Variants in CFAP61 observed in about 807,000 individuals in gnomAD.
CFAP61 encodes the protein cilia and flagella associated protein 61.
Under a neutral mutation model 135.6 loss-of-function variants are expected in CFAP61, and 107 were observed. The ratio of observed to expected loss-of-function variants is 0.79; its 90% CI spans 0.67 to 0.93. CFAP61 has a LOEUF of 0.93. Ranked by LOEUF, CFAP61 falls within the 40% of genes least tolerant of loss-of-function variation. The probability of loss-of-function intolerance (pLI) is 0.00; values close to 1 mark genes in which losing one functional copy is unlikely to be tolerated. For missense variants in CFAP61, 1,507 were observed against 1,556.2 expected (o/e 0.97, Z 0.53); for synonymous variants, 575 against 578.5 (o/e 0.99, Z 0.09).
chr20:20,056,070 G>A, intron 1 of CFAP61: 2 of 1,317,568 alleles, frequency 1.5e-6, no homozygotes, highest in Non-Finnish European at 2.1e-6. Flanking sequence ...AAGAAAACAA[G>A]TTGCTTTATT....
At chr20:20,136,400 C>G (rs544854547) in intron 8 of CFAP61, among the ~76,000 whole-genome samples, 124 of 152,106 alleles carry the variant, frequency 8.2e-4, no homozygotes, top group African/African-American at 3.0e-3. Flanking sequence ...TTTTCTAGAC[C>G]CTGTAAGCAT....
At chr20:20,135,484 G>A (rs1158249561) in intron 8 of CFAP61, among the ~76,000 whole-genome samples, 1 of 152,176 alleles carries the variant, frequency 6.6e-6, no homozygotes, top group Non-Finnish European at 1.5e-5. Flanking sequence ...AGAATTGTCT[G>A]TGCTCAATGT....
intron 25 of CFAP61, among the ~76,000 whole-genome samples, chr20:20,323,823 C>T (rs914400995): frequency 2.6e-5 from 4 of 152,244 alleles, no homozygotes; most frequent in African/African-American, 4.8e-5. Context: ...TCATATTTTT[C>T]TCTAAATATA....
intron 25 of CFAP61, among the ~76,000 whole-genome samples, chr20:20,330,189 A>G (rs562842639): frequency 3.5e-4 from 53 of 152,354 alleles, no homozygotes; most frequent in Middle Eastern, 3.4e-3. Context: ...TATTATATTT[A>G]ACCCAAGATA....
intron 17 of CFAP61, chr20:20,220,153 T>C (rs2048305990): frequency 6.6e-6 from 1 of 152,120 alleles, no homozygotes; most frequent in Non-Finnish European, 1.5e-5. Flanking sequence ...GAGCCAGAAG[T>C]TGAGTTCAAC....
At chr20:20,166,617 C>T (rs965018864) in intron 12 of CFAP61, among the ~76,000 whole-genome samples, 181 bp downstream of exon 12, 1 of 152,156 alleles carries the variant, frequency 6.6e-6, no homozygotes, top group African/African-American at 2.4e-5. Context: ...ATTTTTAAGT[C>T]ATGCTATTTT....
intron 8 of CFAP61, among the ~76,000 whole-genome samples, chr20:20,127,477 A>G (rs73605596): frequency 0.084 from 12,743 of 151,454 alleles, 1,470 homozygotes; most frequent in East Asian, 0.6. Context: ...AACTACAGTG[A>G]TTGTTCTCTC....
At chr20:20,130,193 G>T (rs182389310) in intron 8 of CFAP61, among the ~76,000 whole-genome samples, 2 of 151,690 alleles carry the variant, frequency 1.3e-5, no homozygotes, top group East Asian at 3.9e-4. Flanking sequence ...GGAGGCTGAG[G>T]CAGGAGAACC....
intron 25 of CFAP61, among the ~76,000 whole-genome samples, chr20:20,311,482 T>A (rs2056825115): frequency 6.6e-6 from 1 of 152,206 alleles, no homozygotes; most frequent in African/African-American, 2.4e-5. Flanking sequence ...AACCCTGTGG[T>A]TGATCCAGCT....
At chr20:20,300,485 C>G (rs1210436247) in intron 25 of CFAP61, among the ~76,000 whole-genome samples, 1 of 152,008 alleles carries the variant, frequency 6.6e-6, no homozygotes, top group Non-Finnish European at 1.5e-5. Flanking sequence ...GTGTTTGTGC[C>G]TCGGTTTGTA....
At chr20:20,120,010 A>G (rs2049487370) in intron 8 of CFAP61, among the ~76,000 whole-genome samples, 1 of 152,176 alleles carries the variant, frequency 6.6e-6, no homozygotes, top group Non-Finnish European at 1.5e-5. Flanking sequence ...TATCCAGTCT[A>G]CCATTGATGG....
At chr20:20,065,497 T>C (rs8124656) in intron 2 of CFAP61, among the ~76,000 whole-genome samples, 3,656 of 152,132 alleles carry the variant, frequency 0.024, 153 homozygotes, top group African/African-American at 0.083. Context: ...ATTGATGTCC[T>C]GAAGCTTCCA....
chr20:20,251,758 T>C lies in CFAP61; in HGVS notation c.2323T>C (p.Tyr775His), dbSNP rs760318197. The change falls in exon 20 of 27, where the codon TAC (tyrosine) becomes CAC (histidine). Residue 775 changes from tyrosine to histidine, a missense_variant. Tyr to His is a moderately conservative substitution (Grantham distance 83). Coordinates refer to ENST00000245957, the MANE Select transcript of CFAP61 (RefSeq NM_015585.4). ...CCTCATCCTCTGCACCGGGCAGCAG[T>C]ACCAGGTAAGGCCGGGCACAGGGGG... ...DHLILCTGQQ[Y>H]QVPCPTEADI... is the part of the protein sequence containing the mutation. 1.9e-6 allele frequency: 3 copies of C among 1,613,394 alleles called. No individual in the cohort carries two copies. In the South Asian group the frequency reaches 3.3e-5, roughly 18 times the overall value.
chr20:20,109,149 C>G (rs534222385), intron 8 of CFAP61, among the ~76,000 whole-genome samples: 3 of 152,278 alleles, frequency 2.0e-5, no homozygotes, highest in Non-Finnish European at 2.9e-5. Flanking sequence ...CTCAGTCCAT[C>G]CTATCTGGTG....
At chr20:20,121,494 A>T in intron 8 of CFAP61, among the ~76,000 whole-genome samples, 1 of 149,086 alleles carries the variant, frequency 6.7e-6, no homozygotes, top group South Asian at 2.1e-4. Context: ...AGTTTTTAAA[A>T]TTTTTAAATA....
intron 8 of CFAP61, among the ~76,000 whole-genome samples, chr20:20,123,116 G>GT (rs1385344540): frequency 6.6e-6 from 1 of 151,048 alleles, no homozygotes; most frequent in Non-Finnish European, 1.5e-5. Flanking sequence ...TGATGGGATT[G>GT]TTTGTTTTTT....
At chr20:20,135,130 T>G (rs1600864975) in intron 8 of CFAP61, among the ~76,000 whole-genome samples, 2 of 152,168 alleles carry the variant, frequency 1.3e-5, no homozygotes, top group Middle Eastern at 3.4e-3. Flanking sequence ...GGCAATGTGA[T>G]TATGGAATCA....
At position 20,262,043 on chromosome 20, in the gene CFAP61, CCTTTTCTTTT is replaced by C. The variant is rs557020189; in HGVS notation, c.2329-910_2329-901del. Among the ~76,000 whole-genome samples the C allele has an allele frequency of 3.2e-3, 488 of 152,338 alleles. 2 individuals are homozygous for C. The highest frequency in any genetic ancestry group is 0.017 in the Middle Eastern group (5 of 294). On this transcript the variant is annotated intron_variant, in intron 20 of 26. Coordinates refer to ENST00000245957, the MANE Select transcript of CFAP61 (RefSeq NM_015585.4). ...AAAGTAAATAATAATCTGTTTCTTT[CCTTTTCTTTT>C]CTGCCTAGCCCCTCTATATCCTTAA...
intron 8 of CFAP61, among the ~76,000 whole-genome samples, chr20:20,120,325 A>G (rs771554618): frequency 1.3e-4 from 20 of 151,978 alleles, no homozygotes; most frequent in Non-Finnish European, 2.8e-4. Context: ...GGATTTTGGT[A>G]TGTTGTATTT....
Sources: allele counts gnomAD v4.1 joint callset (sites outside exome capture counted in the v4.1 genomes callset), GRCh38; gene constraint gnomAD v4.1.1; transcripts MANE v1.5; gene names NCBI Gene and HGNC (gene_info 2026-07-23, HGNC 2026-07-21).